CHSY3: variants seen among roughly 807,000 people sequenced by gnomAD.
The protein encoded by CHSY3 is N-acetylgalactosaminyl-proteoglycan 3-beta-glucuronosyltransferase 3.
CHSY3 carries 35 observed loss-of-function variants against 67.2 expected under a neutral mutation model. The observed-to-expected ratio is 0.52, with a 90% CI of 0.40 to 0.69. The LOEUF is 0.69. Ranked by LOEUF, CHSY3 falls within the 30% of genes least tolerant of loss-of-function variation. CHSY3 has a pLI of 0.00. For synonymous variants in CHSY3, 474 were observed against 434.7 expected, an observed-to-expected ratio of 1.09 and a Z score of -1.12; for missense variants, 1,069 against 1,138.5, an observed-to-expected ratio of 0.94 and a Z score of 0.88.
intron 2 of CHSY3, among the ~76,000 whole-genome samples, chr5:130,035,820 A>T (rs757346089): frequency 6.6e-6 from 1 of 150,588 alleles, no homozygotes; most frequent in Non-Finnish European, 1.5e-5. Context: ...TATGCAGTTG[A>T]TCAGGATACT....
intron 2 of CHSY3, among the ~76,000 whole-genome samples, chr5:130,003,660 A>G (rs751716603): frequency 4.6e-5 from 7 of 152,212 alleles, no homozygotes; most frequent in Non-Finnish European, 1.0e-4. Context: ...ATAAGAAAGC[A>G]GAACAGAAAA....
At chr5:129,957,372 C>CTA (rs61477845) in intron 2 of CHSY3, among the ~76,000 whole-genome samples, 143,337 of 152,022 alleles carry the variant, frequency 0.94, 67,676 homozygotes, top group East Asian at 1. Context: ...TGAGCCGAGA[C>CTA]TGGGGTTTTC....
At chr5:129,965,593 A>G (rs1211686255) in intron 2 of CHSY3, among the ~76,000 whole-genome samples, 1 of 151,874 alleles carries the variant, frequency 6.6e-6, no homozygotes, top group African/African-American at 2.4e-5. Context: ...TCATTAAAGA[A>G]AGGTTTTCAT....
chr5:130,124,256 C>A (rs1768180981), intron 2 of CHSY3, among the ~76,000 whole-genome samples: 2 of 152,060 alleles, frequency 1.3e-5, no homozygotes, highest in East Asian at 3.9e-4. Context: ...TCTCTAAGCC[C>A]ACCTTGTCCT....
chr5:130,059,771 T>C (rs1026738512), intron 2 of CHSY3, among the ~76,000 whole-genome samples: 10 of 152,136 alleles, frequency 6.6e-5, no homozygotes, highest in Admixed American at 2.6e-4. Flanking sequence ...TTTCAAAAGG[T>C]ATCATATACT....
intron 2 of CHSY3, among the ~76,000 whole-genome samples, chr5:129,982,743 G>A (rs1763057501): frequency 6.6e-6 from 1 of 151,890 alleles, no homozygotes; most frequent in Admixed American, 6.6e-5. Flanking sequence ...ACTCATAGAA[G>A]TTATATAAAC....
chr5:130,068,768 G>A (rs1765965386), intron 2 of CHSY3, among the ~76,000 whole-genome samples: 1 of 152,112 alleles, frequency 6.6e-6, no homozygotes, highest in Non-Finnish European at 1.5e-5. Flanking sequence ...CTTATTTACA[G>A]CCTGCCACTG....
At position 130,102,419 on chromosome 5, in the gene CHSY3, T is replaced by C. The variant is rs534209166; in HGVS notation, c.1087-81810T>C. 1.5e-4 allele frequency among the ~76,000 whole-genome samples: 23 copies of C among 152,158 alleles called. 1 individual carries two copies. The highest frequency in any genetic ancestry group is 1.2e-3 in the Admixed American group (18 of 15,264). On this transcript the variant is annotated intron_variant, in intron 2 of 2. Transcript: ENST00000305031. ...AAATTCATACTGTTTAATAAATCAATGTAATTTGAAAACCTTACTGGTAGT... is the reference window on the plus strand; with the variant it reads ...AAATTCATACTGTTTAATAAATCAACGTAATTTGAAAACCTTACTGGTAGT...
intron 2 of CHSY3, among the ~76,000 whole-genome samples, chr5:130,152,296 A>G (rs922783230): frequency 2.0e-5 from 3 of 152,250 alleles, no homozygotes; most frequent in Non-Finnish European, 4.4e-5. Flanking sequence ...TTGACTTTCC[A>G]TAAAAGCTGT....
chr5:129,974,360 A>C (rs1332910109), intron 2 of CHSY3, among the ~76,000 whole-genome samples: 1 of 152,100 alleles, frequency 6.6e-6, no homozygotes, highest in East Asian at 1.9e-4. Context: ...TGCGACCTTT[A>C]ATATGAGTTA....
intron 2 of CHSY3, among the ~76,000 whole-genome samples, chr5:129,927,414 T>A (rs1581374238): frequency 6.6e-6 from 1 of 152,024 alleles, no homozygotes. Flanking sequence ...TGTTTGTAGA[T>A]TAAAAAATCA....
intron 2 of CHSY3, among the ~76,000 whole-genome samples, chr5:130,147,027 T>G (rs1206012768): frequency 2.0e-5 from 3 of 152,024 alleles, no homozygotes; most frequent in African/African-American, 4.8e-5. Flanking sequence ...CTCCTGACCT[T>G]AAGTGATCCG....
chr5:130,019,439 C>A (rs999659240), intron 2 of CHSY3, among the ~76,000 whole-genome samples: 1 of 152,162 alleles, frequency 6.6e-6, no homozygotes, highest in African/African-American at 2.4e-5. Flanking sequence ...ACCACCACCA[C>A]CAATTATTTA....
intron 2 of CHSY3, among the ~76,000 whole-genome samples, chr5:129,991,796 G>A (rs116677589): frequency 0.011 from 1,743 of 152,252 alleles, 22 homozygotes; most frequent in African/African-American, 0.04. Flanking sequence ...TCCTGTTTGA[G>A]ATTGGGAATC....
chr5:130,096,303 C>T (rs115848846), intron 2 of CHSY3, among the ~76,000 whole-genome samples: 1 of 152,192 alleles, frequency 6.6e-6, no homozygotes, highest in Admixed American at 6.5e-5. Context: ...TTCCGAGTAG[C>T]TGAGACTACA....
At chr5:130,016,635 C>T (rs900479905) in intron 2 of CHSY3, among the ~76,000 whole-genome samples, 1 of 152,332 alleles carries the variant, frequency 6.6e-6, no homozygotes, top group South Asian at 2.1e-4. Flanking sequence ...GTCTCGAACT[C>T]CTGACCTCAG....
intron 2 of CHSY3, among the ~76,000 whole-genome samples, chr5:130,175,463 A>T (rs1381439685): frequency 2.0e-5 from 3 of 152,208 alleles, no homozygotes; most frequent in African/African-American, 7.2e-5. Context: ...TGCTATCCCC[A>T]TCAAGCTACC....
chr5:130,069,082 G>C (rs1261873757), intron 2 of CHSY3, among the ~76,000 whole-genome samples: 1 of 152,012 alleles, frequency 6.6e-6, no homozygotes, highest in Non-Finnish European at 1.5e-5. Flanking sequence ...AATCCCATTA[G>C]CTGAGGTTGA....
intron 2 of CHSY3, chr5:130,001,666 T>C: frequency 1.3e-6 from 1 of 746,706 alleles, no homozygotes; most frequent in Non-Finnish European, 1.6e-6. Context: ...GAGTAATTTA[T>C]AAGCCTGCGT....
Sources: gnomAD v4.1 joint callset for allele counts (sites outside exome capture counted in the v4.1 genomes callset) on GRCh38, gnomAD v4.1.1 for gene constraint, MANE v1.5 for transcripts, NCBI Gene and HGNC (gene_info 2026-07-23, HGNC 2026-07-21) for gene names.